PRKAR1B: variants seen among roughly 807,000 people sequenced by gnomAD.
PRKAR1B encodes the protein cAMP-dependent protein kinase type I-beta regulatory subunit.
In PRKAR1B, 22 loss-of-function variants were observed where a neutral mutation model predicts 46.5. The ratio of observed to expected loss-of-function variants is 0.47; its 90% CI spans 0.34 to 0.68. The LOEUF (loss-of-function observed/expected upper bound fraction) is 0.68. Ranked by LOEUF, PRKAR1B falls within the 30% of genes least tolerant of loss-of-function variation. The pLI, the probability that PRKAR1B is intolerant of heterozygous loss-of-function variation, is 0.01. For synonymous variants in PRKAR1B, 259 were observed against 217.7 expected (o/e 1.19, Z -1.67); for missense variants, 445 against 535.6 (o/e 0.83, Z 1.67).
chr7:559,317 A>G (rs1393957495), intron 9 of PRKAR1B, among the ~76,000 whole-genome samples: 1 of 152,084 alleles, frequency 6.6e-6, no homozygotes, highest in Non-Finnish European at 1.5e-5. Context: ...CCAGCCGGAG[A>G]AGACGTGGGG....
intron 2 of PRKAR1B, 28 bp downstream of exon 2, chr7:711,301 G>C (rs1350931457): frequency 6.2e-7 from 1 of 1,612,842 alleles, no homozygotes; most frequent in Non-Finnish European, 8.5e-7. Context: ...CGTGCGAAGG[G>C]AAGCAGCGGG....
intron 4 of PRKAR1B, among the ~76,000 whole-genome samples, chr7:659,241 T>C (rs1269023412): frequency 6.6e-6 from 1 of 152,134 alleles, no homozygotes; most frequent in Non-Finnish European, 1.5e-5. Context: ...TCTCTTCCAT[T>C]AGAAAAAAGC....
At chr7:595,753 A>G (rs536245262) in intron 7 of PRKAR1B, among the ~76,000 whole-genome samples, 1 of 152,360 alleles carries the variant, frequency 6.6e-6, no homozygotes, top group East Asian at 1.9e-4. Context: ...GTCAGTCCCC[A>G]CACACAGGAA....
chr7:610,111 G>A (rs2128467312), intron 4 of PRKAR1B, among the ~76,000 whole-genome samples: 1 of 152,228 alleles, frequency 6.6e-6, no homozygotes, highest in South Asian at 2.1e-4. Flanking sequence ...CGTTTCCAGT[G>A]CTTCTGGTTC....
chr7:684,305 G>A (rs1403881790), intron 2 of PRKAR1B, among the ~76,000 whole-genome samples: 1 of 152,242 alleles, frequency 6.6e-6, no homozygotes, highest in Non-Finnish European at 1.5e-5. Context: ...GCCGGGTGAA[G>A]CTTTATGCGA....
intron 2 of PRKAR1B, among the ~76,000 whole-genome samples, chr7:686,021 C>A (rs1779076902): frequency 6.6e-6 from 1 of 152,120 alleles, no homozygotes; most frequent in Non-Finnish European, 1.5e-5. Flanking sequence ...GGAGAATCGG[C>A]CAGGTGTGGT....
intron 4 of PRKAR1B, among the ~76,000 whole-genome samples, chr7:620,746 C>CCG (rs879358943): frequency 0.082 from 12,440 of 152,062 alleles, 1,411 homozygotes; most frequent in African/African-American, 0.26. Context: ...TCAAATTCAT[C>CCG]TTCTCTCTAC....
At chr7:597,484 G>A (rs1344998847) in intron 6 of PRKAR1B, among the ~76,000 whole-genome samples, 2 of 152,198 alleles carry the variant, frequency 1.3e-5, no homozygotes, top group Non-Finnish European at 2.9e-5. Flanking sequence ...AGGGAGGCTG[G>A]AGCAGGATTA....
At chr7:559,390 G>T (rs1025542428) in intron 9 of PRKAR1B, among the ~76,000 whole-genome samples, 40 of 152,348 alleles carry the variant, frequency 2.6e-4, no homozygotes, top group African/African-American at 9.1e-4. Context: ...GGAGCAGGGG[G>T]CAGGGCCAGG....
At chr7:726,535 T>G (rs1160451112) in intron 1 of PRKAR1B, 4 of 423,012 alleles carry the variant, frequency 9.5e-6, no homozygotes, top group Non-Finnish European at 1.6e-5. Context: ...GCAGGCAGGC[T>G]GGCGGGGGTT....
chr7:604,722 C>A (rs573706573), intron 6 of PRKAR1B, among the ~76,000 whole-genome samples: 1 of 152,344 alleles, frequency 6.6e-6, no homozygotes, highest in African/African-American at 2.4e-5. Flanking sequence ...ATGCCCTCCC[C>A]AGAATAGCGT....
intron 2 of PRKAR1B, among the ~76,000 whole-genome samples, chr7:687,993 G>A (rs561590083): frequency 6.6e-6 from 1 of 151,418 alleles, no homozygotes; most frequent in Non-Finnish European, 1.5e-5. Flanking sequence ...CTCCTCGGGA[G>A]GCTCAGGCAG....
At chr7:641,333 C>G (rs994108593) in intron 4 of PRKAR1B, among the ~76,000 whole-genome samples, 1 of 152,194 alleles carries the variant, frequency 6.6e-6, no homozygotes, top group Non-Finnish European at 1.5e-5. Flanking sequence ...TGAAAACGTA[C>G]GTTCACACAG....
chr7:708,005 A>C (rs997286048), intron 2 of PRKAR1B, among the ~76,000 whole-genome samples: 1 of 149,890 alleles, frequency 6.7e-6, no homozygotes, highest in African/African-American at 2.5e-5. Flanking sequence ...GGACCACCCA[A>C]GATGATCACC....
At chr7:641,098 G>A (rs1784363270) in intron 4 of PRKAR1B, among the ~76,000 whole-genome samples, 1 of 152,032 alleles carries the variant, frequency 6.6e-6, no homozygotes, top group Non-Finnish European at 1.5e-5. Context: ...GACTACAGGT[G>A]CCCGCCACCA....
chr7:583,297 G>C (rs143774266), intron 8 of PRKAR1B, among the ~76,000 whole-genome samples: 4 of 152,062 alleles, frequency 2.6e-5, no homozygotes, highest in Non-Finnish European at 4.4e-5. Flanking sequence ...AGGGGTCAAA[G>C]TCCTCCCCAA....
At chr7:604,607 T>TTC (rs1403185922) in intron 6 of PRKAR1B, among the ~76,000 whole-genome samples, 1 of 152,186 alleles carries the variant, frequency 6.6e-6, no homozygotes, top group Non-Finnish European at 1.5e-5. Context: ...CCTGAGTCAT[T>TTC]TCCTGTGCTA....
chr7:727,387 C>A, upstream of PRKAR1B: 1 of 873,874 alleles, frequency 1.1e-6, no homozygotes, highest in Non-Finnish European at 1.5e-6. Flanking sequence ...CGCGGCCCCT[C>A]TCACAACCCC....
At position 711,490 on chromosome 7, in the gene PRKAR1B, C is replaced by G. The variant is rs201102239; in HGVS notation, c.16G>C (p.Ala6Pro). Residue 6 changes from alanine to proline, a missense_variant, in exon 2 of 11, where the codon GCC (alanine) becomes CCC (proline). By Grantham distance (27) the Ala-to-Pro change is conservative (BLOSUM62 -1). Coordinates refer to ENST00000537384, the MANE Select transcript of PRKAR1B (RefSeq NM_001164760.2). Reference protein sequence around the residue: MASPPACPSEEDESLK... With the variant: MASPPPCPSEEDESLK... ...CTCTCGTCCTCCTCCGAGGGGCAGG[C>G]GGGCGGGGAGGCCATGGCGAGGGTG... 1.9e-6 allele frequency: 3 copies of G among 1,613,500 alleles called. No individual in the cohort carries two copies. In the South Asian group the frequency reaches 3.3e-5, roughly 18 times the overall value.
Sources: gnomAD v4.1 joint callset for allele counts (sites outside exome capture counted in the v4.1 genomes callset) on GRCh38, gnomAD v4.1.1 for gene constraint, MANE v1.5 for transcripts, NCBI Gene and HGNC (gene_info 2026-07-23, HGNC 2026-07-21) for gene names.